OR5V1: variants seen among roughly 807,000 people sequenced by gnomAD.
OR5V1 encodes olfactory receptor family 5 subfamily V member 1, also known as olfactory receptor 5V1.
For missense variants in OR5V1, 365 were observed against 371.5 expected (o/e 0.98, Z 0.14); for synonymous variants, 134 against 143.2 (o/e 0.94, Z 0.46).
Position 29,360,615 on chromosome 6 carries a change from C to T in OR5V1, c.-82-4338G>A, listed in dbSNP as rs2207698. ...ATAGTTGCCGTTCTGCAGCCTCCAC[C>T]GGTGATACTCAGGCAAATAGGGTCT... On this transcript the variant is annotated intron_variant, in intron 1 of 1. Transcript: ENST00000641768. 6.8e-3 allele frequency among the ~76,000 whole-genome samples: 1,035 copies of T among 152,266 alleles called. 13 individuals carry two copies. Among genetic ancestry groups the T allele is most frequent in the African/African-American group, 0.023 (976 of 41,552 alleles).
chr6:29,366,344 A>AG (rs9278191), intron 1 of OR5V1, among the ~76,000 whole-genome samples: 8 of 149,764 alleles, frequency 5.3e-5, no homozygotes, highest in Non-Finnish European at 1.0e-4. Flanking sequence ...AAAAAAAAAA[A>AG]GGAAATCCAG....
rs957666403 is a variant in OR5V1 at position 29,354,505 on chromosome 6, A to G, written c.*725T>C. On this transcript the variant is annotated 3_prime_UTR_variant, in exon 2 of 2. Coordinates refer to ENST00000641768, the MANE Select transcript of OR5V1 (RefSeq NM_030876.6). ...TATGTTTTATCTGATTCTGTTTTCT[A>G]AATTTTTAGCGAAAAAAGTTTCCCA... 6.6e-6 allele frequency: 1 copy of G among 152,172 alleles called. No individual in the cohort carries two copies. Among genetic ancestry groups the G allele is most frequent in the South Asian group, 2.1e-4 (1 of 4,824 alleles). The allele number at this position is 152,172 out of a possible 1,614,324, so 9.4% of individuals were successfully genotyped here.
At chr6:29,364,074 G>C (rs1050734864) in intron 1 of OR5V1, among the ~76,000 whole-genome samples, 2 of 152,020 alleles carry the variant, frequency 1.3e-5, no homozygotes, top group African/African-American at 4.8e-5. Context: ...AACTCCTTAG[G>C]CTGATGAGCC....
chr6:29,368,392 C>T (rs1203947404), intron 1 of OR5V1, among the ~76,000 whole-genome samples: 1 of 152,114 alleles, frequency 6.6e-6, no homozygotes. Flanking sequence ...GAGGGCTATT[C>T]TGAATGACAT....
Position 29,355,287 on chromosome 6 carries a change from A to C in OR5V1, c.909T>G (p.Thr303=). 1.9e-6 allele frequency: 3 copies of C among 1,612,646 alleles called. No individual in the cohort carries two copies. Among genetic ancestry groups the C allele is most frequent in the Non-Finnish European group, 2.5e-6 (3 of 1,179,474 alleles). Residue 303 remains threonine, a synonymous_variant, in exon 2 of 2, where the codon ACT becomes ACG. Coordinates refer to ENST00000641768, the MANE Select transcript of OR5V1 (RefSeq NM_030876.6). Reference sequence around the variant, plus strand: ...TTGGTGGCTGCCACTTGCTCCCTATAGTTTTGACAGCTTCTTTGATGTCCT... The same window carrying C: ...TTGGTGGCTGCCACTTGCTCCCTATCGTTTTGACAGCTTCTTTGATGTCCT... ...RNKDIKEAVK[T]IGSKWQPPIS...
At chr6:29,361,968 C>T (rs1778585170) in intron 1 of OR5V1, among the ~76,000 whole-genome samples, 1 of 151,722 alleles carries the variant, frequency 6.6e-6, no homozygotes, top group African/African-American at 2.4e-5. Context: ...GCTGAATGTC[C>T]CAATTAAAAG....
At chr6:29,361,537 G>T (rs559941924) in intron 1 of OR5V1, among the ~76,000 whole-genome samples, 1 of 152,112 alleles carries the variant, frequency 6.6e-6, no homozygotes, top group East Asian at 1.9e-4. Flanking sequence ...AGAGAGAAAG[G>T]TCAGGTTACC....
At chr6:29,362,204 A>G (rs1052147008) in intron 1 of OR5V1, among the ~76,000 whole-genome samples, 8 of 152,210 alleles carry the variant, frequency 5.3e-5, no homozygotes, top group African/African-American at 1.7e-4. Context: ...GCATTACACA[A>G]TGGTAAAGGG....
At chr6:29,361,900 A>C (rs1352757604) in intron 1 of OR5V1, among the ~76,000 whole-genome samples, 2 of 152,026 alleles carry the variant, frequency 1.3e-5, no homozygotes, top group East Asian at 3.9e-4. Context: ...ACCAACTAGC[A>C]TCATGATGAA....
chr6:29,362,101 C>A (rs772048919), intron 1 of OR5V1, among the ~76,000 whole-genome samples: 8 of 151,250 alleles, frequency 5.3e-5, no homozygotes, highest in Non-Finnish European at 1.2e-4. Context: ...ATTTACCAAG[C>A]AAATGGAAAG....
intron 1 of OR5V1, among the ~76,000 whole-genome samples, chr6:29,363,708 C>T (rs1471651908): frequency 6.6e-6 from 1 of 152,160 alleles, no homozygotes; most frequent in Non-Finnish European, 1.5e-5. Flanking sequence ...ACATGATTAT[C>T]TCAATAGATG....
chr6:29,362,162 A>G (rs1778594410), intron 1 of OR5V1, among the ~76,000 whole-genome samples: 1 of 152,218 alleles, frequency 6.6e-6, no homozygotes, highest in Non-Finnish European at 1.5e-5. Flanking sequence ...AACAGAATTT[A>G]AACCGACAGA....
rs753137345 is a variant in OR5V1 at position 29,355,695 on chromosome 6, G to C, written c.501C>G (p.Pro167=). Residue 167 remains proline (P), a synonymous_variant, in exon 2 of 2, where the codon CCC becomes CCG. Coordinates refer to ENST00000641768, the MANE Select transcript of OR5V1 (RefSeq NM_030876.6). ...AATTAATCTGATTGTTGCCACAGAAGGGCAGGCAGAATGTCAACACTGTAT... is the reference window on the plus strand; with the variant it reads ...AATTAATCTGATTGTTGCCACAGAACGGCAGGCAGAATGTCAACACTGTAT... The part of the protein sequence containing the change: ...VVHTVLTFCL[P]FCGNNQINYF... 2 of 1,614,050 alleles carry C rather than the reference G, an allele frequency of 1.2e-6. No homozygotes were observed. The highest frequency in any genetic ancestry group is 1.7e-6 in the Non-Finnish European group (2 of 1,179,958).
chr6:29,367,760 T>C (rs9380120), intron 1 of OR5V1, among the ~76,000 whole-genome samples: 13,092 of 152,188 alleles, frequency 0.086, 668 homozygotes, highest in Admixed American at 0.11. Flanking sequence ...TTGCCTCTCA[T>C]AGGCATAGAT....
Position 29,354,379 on chromosome 6 carries a change from C to T in OR5V1, c.*851G>A, listed in dbSNP as rs1240831891. ...ACACATAGAAAATAGTAATTAAGTA[C>T]TTTTACTTTTAACATTAGTAATTTC... On this transcript the variant is annotated 3_prime_UTR_variant, in exon 2 of 2. Coordinates refer to ENST00000641768, the MANE Select transcript of OR5V1 (RefSeq NM_030876.6). 2 of 151,934 alleles carry T rather than the reference C, an allele frequency of 1.3e-5. No individual in the cohort carries two copies. The highest frequency in any genetic ancestry group is 4.8e-5 in the African/African-American group (2 of 41,402). The allele number at this position is 151,934 out of a possible 1,614,324, so 9.4% of individuals were successfully genotyped here.
chr6:29,357,935 T>C (rs1199660647), intron 1 of OR5V1, among the ~76,000 whole-genome samples: 2 of 152,194 alleles, frequency 1.3e-5, no homozygotes, highest in African/African-American at 4.8e-5. Flanking sequence ...ATAATTGTTG[T>C]ATATTCATTC....
intron 1 of OR5V1, among the ~76,000 whole-genome samples, chr6:29,362,294 C>G (rs1778602216): frequency 6.6e-6 from 1 of 152,182 alleles, no homozygotes; most frequent in Admixed American, 6.5e-5. Context: ...AAAACAAGTT[C>G]TTACAGACCT....
At chr6:29,358,858 A>T (rs1214162277) in intron 1 of OR5V1, among the ~76,000 whole-genome samples, 1 of 152,194 alleles carries the variant, frequency 6.6e-6, no homozygotes, top group Admixed American at 6.5e-5. Flanking sequence ...AGGAGAAGTA[A>T]CTTCTAATGA....
rs1778282345 is a variant in OR5V1, at chr6:29,356,036, G to A, written c.160C>T (p.His54Tyr). ...LIILTTVTDP[H>Y]LHTPMYYFLG... is the part of the protein sequence containing the mutation. ...AAATAATACATAGGTGTATGCAGGT[G>A]TGGATCAGTCACAGTCGTCAAGATA... The change falls in exon 2 of 2, where the codon CAC (histidine) becomes TAC (tyrosine). Residue 54 changes from histidine to tyrosine, a missense_variant. Physicochemically the swap from His to Tyr is moderately conservative, Grantham distance 83. Coordinates refer to ENST00000641768, the MANE Select transcript of OR5V1 (RefSeq NM_030876.6). The A allele has an allele frequency of 6.2e-7, 1 of 1,613,972 alleles. No homozygotes were observed. The highest frequency in any genetic ancestry group is 8.5e-7 in the Non-Finnish European group (1 of 1,179,978).
Sources: gnomAD v4.1 joint callset for allele counts (sites outside exome capture counted in the v4.1 genomes callset) on GRCh38, gnomAD v4.1.1 for gene constraint, MANE v1.5 for transcripts, NCBI Gene and HGNC (gene_info 2026-07-23, HGNC 2026-07-21) for gene names.